IL12RB1: variants seen among roughly 807,000 people sequenced by gnomAD.
The protein encoded by IL12RB1 is interleukin-12 receptor subunit beta-1.
IL12RB1 carries 64 observed loss-of-function variants against 94.4 expected under a neutral mutation model. The ratio of observed to expected loss-of-function variants is 0.68; its 90% confidence interval spans 0.55 to 0.83. The LOEUF (loss-of-function observed/expected upper bound fraction) is 0.83, where lower values mean the gene tolerates loss of function less well. Ranked by LOEUF, IL12RB1 falls within the 40% of genes least tolerant of loss-of-function variation. The probability of loss-of-function intolerance (pLI) is 0.00; values close to 1 mark genes in which losing one functional copy is unlikely to be tolerated. For missense variants in IL12RB1, 814 were observed against 855.6 expected (o/e 0.95, Z 0.61); for synonymous variants, 362 against 355.5 (o/e 1.02, Z -0.21).
At position 18,082,056 on chromosome 19, in the gene IL12RB1, C is replaced by T. The variant is rs546176602; in HGVS notation, c.239+94G>A. 19 of 767,824 alleles carry T rather than the reference C, an allele frequency of 2.5e-5. No homozygotes were observed. The African/African-American group carries it at 2.6e-4, about 10-fold the overall frequency. The allele number at this position is 767,824 out of a possible 1,614,324, so 47.6% of individuals were successfully genotyped here. A position where few individuals can be genotyped will look rare whatever the true frequency, so the allele number is the denominator to read the frequency against. ...GCCCAGGAAGGAGTGTTGACCCAGC[C>T]AAGATCACGCATCCGAGAGTAGGGG... is the stretch of plus-strand genomic sequence containing the variant. On this transcript the variant is annotated intron_variant, in intron 3 of 16. Coordinates refer to ENST00000593993, the MANE Select transcript of IL12RB1 (RefSeq NM_005535.3).
In IL12RB1 at chr19:18,068,489, C is replaced by G; in HGVS notation, c.1227G>C (p.Gly409=). The G allele has an allele frequency of 6.2e-7, 1 of 1,611,488 alleles. No homozygotes were observed. The stretch of plus-strand genomic sequence containing the variant: ...TGGTAATGTAGTAACACTTTTCCTG[C>G]CCCATTGCCCCAGACTCTCGACTCC... ...YSWSRESGAM[G]QEKCYYITIF... Residue 409 remains glycine, a synonymous_variant, in exon 11 of 17, where the codon GGG becomes GGC. Transcript: ENST00000593993.
chr19:18,075,915 C>G, intron 6 of IL12RB1, 47 bp from the exon 7 acceptor site: 2 of 1,597,378 alleles, frequency 1.3e-6, no homozygotes, highest in Non-Finnish European at 1.7e-6. Flanking sequence ...TTGTCCAGGA[C>G]TTGGCACCAG....
At chr19:18,091,535 C>CTCT (rs2036627349), upstream of IL12RB1, 1 of 152,198 alleles carries the variant, frequency 6.6e-6, no homozygotes, top group Non-Finnish European at 1.5e-5. Context: ...CCTAACGTCG[C>CTCT]TGAGGATCAT....
chr19:18,069,505 G>T, intron 10 of IL12RB1, 41 bp downstream of exon 10: 57 of 1,548,374 alleles, frequency 3.7e-5, no homozygotes, highest in Non-Finnish European at 4.8e-5. Flanking sequence ...AAAAGGGAGG[G>T]CACAGAGGAG....
intron 7 of IL12RB1, among the ~76,000 whole-genome samples, chr19:18,074,593 C>A (rs1226176562): frequency 1.3e-5 from 2 of 151,924 alleles, no homozygotes; most frequent in African/African-American, 2.4e-5. Context: ...ACTAAAAATA[C>A]AAAATTAGCT....
chr19:18,094,159 C>T (rs796097140), intron 1 of IL12RB1, among the ~76,000 whole-genome samples: 19 of 152,254 alleles, frequency 1.2e-4, no homozygotes, highest in African/African-American at 4.1e-4. Flanking sequence ...GATGGAGTCT[C>T]GCTCTGTCAC....
At position 18,094,483 on chromosome 19, in the gene IL12RB1, C is replaced by G. The variant is rs947601170; in HGVS notation, c.-229-3714G>C. On this transcript the variant is annotated intron_variant, in intron 1 of 4. Transcript: ENST00000594176. ...CCAAGTACTGAAGGGGGCATACTTA[C>G]ACTGAAAAAACATTCATTGTTTATG... 1.8e-4 allele frequency among the ~76,000 whole-genome samples: 27 copies of G among 152,160 alleles called. 1 individual carries two copies. Among genetic ancestry groups the G allele is most frequent in the Non-Finnish European group, 5.9e-5 (4 of 68,028 alleles).
chr19:18,060,841 C>T (rs2034072016), intron 15 of IL12RB1, among the ~76,000 whole-genome samples: 1 of 152,220 alleles, frequency 6.6e-6, no homozygotes, highest in South Asian at 2.1e-4. Flanking sequence ...CGGGCAGCTC[C>T]GAGATAGACC....
chr19:18,065,572 C>A (rs1303386851), intron 12 of IL12RB1, among the ~76,000 whole-genome samples: 4 of 151,800 alleles, frequency 2.6e-5, no homozygotes, highest in African/African-American at 9.7e-5. Flanking sequence ...TAATCCCAGC[C>A]CTTTGGGAGG....
intron 12 of IL12RB1, among the ~76,000 whole-genome samples, chr19:18,065,685 G>T (rs939725425): frequency 6.6e-6 from 1 of 152,112 alleles, no homozygotes; most frequent in African/African-American, 2.4e-5. Context: ...CAGGCATGGT[G>T]GTGGGTGCCT....
intron 3 of IL12RB1, among the ~76,000 whole-genome samples, chr19:18,081,529 G>A (rs754882046): frequency 3.3e-5 from 5 of 151,362 alleles, no homozygotes; most frequent in Admixed American, 6.6e-5. Flanking sequence ...GCGAAGAAAC[G>A]AATGAAAGGG....
intron 1 of IL12RB1, among the ~76,000 whole-genome samples, chr19:18,086,387 C>T (rs773932916): frequency 6.6e-6 from 1 of 151,876 alleles, no homozygotes; most frequent in South Asian, 2.1e-4. Context: ...ACCATTGCCC[C>T]GTAAATATGG....
intron 1 of IL12RB1, among the ~76,000 whole-genome samples, chr19:18,098,383 T>C (rs2037196385): frequency 6.6e-6 from 1 of 152,048 alleles, no homozygotes; most frequent in Non-Finnish European, 1.5e-5. Context: ...ATCTGCGCCC[T>C]CAACCAGCTC....
At position 18,080,035 on chromosome 19, in the gene IL12RB1, ATTCTT is replaced by A. The variant is rs1178543655; in HGVS notation, c.409+792_409+796del. ...TGTGGCAAATGACATGTTTTCCTTC[ATTCTT>A]TTCTTTTCTTTTTTCTTTTTTTTCT... On this transcript the variant is annotated intron_variant, in intron 4 of 16. Transcript: ENST00000593993. Among the ~76,000 whole-genome samples, 8 of 151,646 alleles carry A rather than the reference ATTCTT, an allele frequency of 5.3e-5. No individual in the cohort carries two copies. The South Asian group carries it at 1.0e-3, about 20-fold the overall frequency.
chr19:18,080,748 G>A, intron 4 of IL12RB1, 84 bp downstream of exon 4: 1 of 915,762 alleles, frequency 1.1e-6, no homozygotes, highest in Non-Finnish European at 1.8e-6. Context: ...CTTGCCAAGG[G>A]CCAGGAATCC....
At chr19:18,068,174 C>T (rs1387018713) in intron 11 of IL12RB1, among the ~76,000 whole-genome samples, 4 of 151,482 alleles carry the variant, frequency 2.6e-5, no homozygotes, top group Non-Finnish European at 4.4e-5. Flanking sequence ...TACAGGCACC[C>T]GCCACCACAC....
At chr19:18,069,811 T>C in intron 9 of IL12RB1, 98 bp from the exon 10 acceptor site, 2 of 904,136 alleles carry the variant, frequency 2.2e-6, no homozygotes, top group East Asian at 2.4e-5. Context: ...CTCTCGTCTA[T>C]ACCCCTGACC....
chr19:18,093,605 T>G (rs1015900352), intron 1 of IL12RB1, among the ~76,000 whole-genome samples: 1 of 151,932 alleles, frequency 6.6e-6, no homozygotes, highest in African/African-American at 2.4e-5. Context: ...AGGATTCCAG[T>G]CAAAGCCCCA....
At chr19:18,075,246 T>G (rs1412336490) in intron 7 of IL12RB1, among the ~76,000 whole-genome samples, 1 of 148,140 alleles carries the variant, frequency 6.8e-6, no homozygotes, top group Non-Finnish European at 1.5e-5. Context: ...TTTTATTTTA[T>G]TATTACTTTT....
Sources: allele counts gnomAD v4.1 joint callset (sites outside exome capture counted in the v4.1 genomes callset), GRCh38; gene constraint gnomAD v4.1.1; transcripts MANE v1.5; gene names NCBI Gene and HGNC (gene_info 2026-07-23, HGNC 2026-07-21).